REPS2: variants seen among roughly 807,000 people sequenced by gnomAD.
REPS2 encodes the protein ralBP1-associated Eps domain-containing protein 2.
A neutral mutation model predicts 53.6 loss-of-function variants in REPS2; 23 were observed. That is an observed-to-expected ratio of 0.43 (90% CI 0.31 to 0.61). The LOEUF (loss-of-function observed/expected upper bound fraction) is 0.61, where lower values mean the gene tolerates loss of function less well. Among genes scored for constraint, REPS2 ranks in the 20% least tolerant of loss-of-function variants. The pLI is 0.11. For missense variants in REPS2, 446 were observed against 534.9 expected, an observed-to-expected ratio of 0.83 and a Z score of 1.64; for synonymous variants, 238 against 218.6, an observed-to-expected ratio of 1.09 and a Z score of -0.78.
chrX:16,996,193 G>A (rs2061233286), intron 1 of REPS2, among the ~76,000 whole-genome samples: 1 of 111,634 alleles, frequency 9.0e-6, no homozygotes, highest in South Asian at 3.8e-4. Context: ...TCTAGATAGG[G>A]AAGAGGATGG....
intron 5 of REPS2, among the ~76,000 whole-genome samples, chrX:17,041,612 A>G (rs1289154052): frequency 8.9e-6 from 1 of 111,977 alleles, no homozygotes; most frequent in African/African-American, 3.2e-5. Flanking sequence ...CGGAGGAGGC[A>G]TCCTCAGATA....
chrX:17,184,085 A>T, the REPS2 span, among the ~76,000 whole-genome samples: 1 of 108,045 alleles, frequency 9.3e-6, no homozygotes, highest in East Asian at 3.0e-4. Context: ...TGTGCAGGTT[A>T]GTTACATATG....
At chrX:17,058,217 G>T (rs773549506) in intron 8 of REPS2, among the ~76,000 whole-genome samples, 1 of 111,407 alleles carries the variant, frequency 9.0e-6, no homozygotes, top group East Asian at 2.8e-4. Context: ...CACTTTGGGA[G>T]TCCAAGGCAG....
At chrX:17,023,442 AG>A (rs1676280801) in intron 3 of REPS2, among the ~76,000 whole-genome samples, 1 of 101,322 alleles carries the variant, frequency 9.9e-6, no homozygotes, top group Non-Finnish European at 2.0e-5. Context: ...AAAAAAAAAA[AG>A]GAACACTCGA....
intron 8 of REPS2, among the ~76,000 whole-genome samples, chrX:17,059,257 G>A (rs1258507577): frequency 9.5e-6 from 1 of 105,154 alleles, no homozygotes. Context: ...TGATCCACCC[G>A]CCTCGGCCTC....
intron 2 of REPS2, among the ~76,000 whole-genome samples, chrX:17,016,973 A>G (rs1002306648): frequency 3.6e-5 from 4 of 110,819 alleles, no homozygotes; most frequent in Non-Finnish European, 7.5e-5. Context: ...ATAATGGATT[A>G]AAATTTTCAA....
the REPS2 span, among the ~76,000 whole-genome samples, chrX:17,174,801 C>T: frequency 3.2e-3 from 361 of 112,729 alleles, 2 homozygotes; most frequent in African/African-American, 8.7e-3. Flanking sequence ...CTGCTGCCGC[C>T]GCCGCTGCTG....
intron 4 of REPS2, among the ~76,000 whole-genome samples, chrX:17,027,016 AC>A (rs1309605199): frequency 9.0e-6 from 1 of 111,174 alleles, no homozygotes; most frequent in Non-Finnish European, 1.9e-5. Context: ...CTGGTCTCGA[AC>A]CCCTGGACTC....
rs1204554888 is a variant in REPS2 at position 17,047,361 on chromosome X, G to C, written c.786G>C (p.Glu262Asp). 3 of 1,210,834 alleles carry C rather than the reference G, an allele frequency of 2.5e-6. No homozygotes were observed. Among genetic ancestry groups the C allele is most frequent in the Non-Finnish European group, 3.4e-6 (3 of 894,686 alleles). The change falls in exon 6 of 18, where the codon GAG becomes GAC. Residue 262 changes from glutamate to aspartate, a missense_variant. By Grantham distance (45) the Glu-to-Asp change is conservative. Transcript: ENST00000357277. ...QASLIRSFSVERELQDNSSYP... is the reference protein window; with the variant it reads ...QASLIRSFSVDRELQDNSSYP... ...TATTCTTACAGTCCTTTTCAGTGGA[G>C]AGGGAACTACAGGATAACAGCAGTT...
intron 5 of REPS2, among the ~76,000 whole-genome samples, chrX:17,031,137 A>G (rs904235456): frequency 8.9e-6 from 1 of 112,135 alleles, no homozygotes; most frequent in African/African-American, 3.2e-5. Flanking sequence ...AATCACACCC[A>G]CTGTGGAGTG....
intron 9 of REPS2, among the ~76,000 whole-genome samples, chrX:17,065,008 A>G (rs1295444422): frequency 4.5e-5 from 5 of 112,330 alleles, no homozygotes; most frequent in Admixed American, 1.9e-4. Flanking sequence ...GATATGCTAC[A>G]TTTTGTTTGT....
intron 1 of REPS2, among the ~76,000 whole-genome samples, chrX:16,965,990 A>G (rs894154935): frequency 1.8e-5 from 2 of 112,523 alleles, no homozygotes; most frequent in Admixed American, 9.3e-5. Context: ...CGCGCCTGCA[A>G]TTGCAGGCAC....
At chrX:17,013,624 CTGTG>C (rs10559340) in intron 2 of REPS2, among the ~76,000 whole-genome samples, 2,978 of 100,167 alleles carry the variant, frequency 0.03, 130 homozygotes, top group African/African-American at 0.1. Flanking sequence ...GTAGCTGGCT[CTGTG>C]TGTGTGTGTG....
chrX:16,966,360 T>G (rs773559344), intron 1 of REPS2, among the ~76,000 whole-genome samples: 1 of 112,148 alleles, frequency 8.9e-6, no homozygotes, highest in African/African-American at 3.2e-5. Flanking sequence ...TTTGAGTATC[T>G]CATATCTGAA....
intron 1 of REPS2, among the ~76,000 whole-genome samples, chrX:16,998,963 T>C (rs1252983088): frequency 1.8e-5 from 2 of 112,590 alleles, no homozygotes; most frequent in East Asian, 5.5e-4. Context: ...TTAGCTTCAA[T>C]AGAGTCTAGG....
chrX:17,025,127 G>A lies in REPS2; in HGVS notation c.615G>A (p.Arg205=), dbSNP rs1731519931. The part of the protein sequence containing the change: ...SPPSSPPHYQ[R]VPLSHGYSKL... ...CTTCTTCCCCGCCTCATTACCAGAGGGTGCCCTTGAGCCATGGCTACAGCA... is the reference window on the plus strand; with the variant it reads ...CTTCTTCCCCGCCTCATTACCAGAGAGTGCCCTTGAGCCATGGCTACAGCA... The change falls in exon 4 of 18, where the codon AGG becomes AGA. Residue 205 remains arginine, a synonymous_variant. Transcript: ENST00000357277. The A allele has an allele frequency of 1.7e-6, 2 of 1,209,893 alleles. No individual in the cohort carries two copies. The highest frequency in any genetic ancestry group is 2.2e-5 in the Admixed American group (1 of 45,703).
chrX:17,010,541 A>C (rs917776899), intron 2 of REPS2, among the ~76,000 whole-genome samples: 4 of 111,531 alleles, frequency 3.6e-5, no homozygotes. Context: ...CACTTAGCAG[A>C]GTTTGCAAAT....
intron 13 of REPS2, among the ~76,000 whole-genome samples, chrX:17,078,894 T>A (rs1252208187): frequency 8.9e-6 from 1 of 112,324 alleles, no homozygotes; most frequent in Admixed American, 9.4e-5. Flanking sequence ...TGTTTATGCA[T>A]CTCAGATTCC....
At chrX:17,159,375 T>A in the REPS2 span, among the ~76,000 whole-genome samples, 2 of 111,830 alleles carry the variant, frequency 1.8e-5, no homozygotes, top group Non-Finnish European at 3.8e-5. Flanking sequence ...AGCACCACTC[T>A]TACTTAAGTT....
Sources: allele counts gnomAD v4.1 joint callset (sites outside exome capture counted in the v4.1 genomes callset), GRCh38; gene constraint gnomAD v4.1.1; transcripts MANE v1.5; gene names NCBI Gene and HGNC (gene_info 2026-07-23, HGNC 2026-07-21).